Variants in GRID2 observed in about 807,000 individuals in gnomAD.
The protein encoded by GRID2 is glutamate receptor ionotropic, delta-2.
GRID2 carries 33 observed loss-of-function variants against 114.8 expected under a neutral mutation model. The ratio of observed to expected loss-of-function variants is 0.29; its 90% CI spans 0.22 to 0.38. The LOEUF (loss-of-function observed/expected upper bound fraction) is 0.38, where lower values mean the gene tolerates loss of function less well. Among genes scored for constraint, GRID2 ranks in the 10% least tolerant of loss-of-function variants. The pLI, the probability that GRID2 is intolerant of heterozygous loss-of-function variation, is 1.00. For synonymous variants in GRID2, 505 were observed against 449.9 expected (o/e 1.12, Z -1.55); for missense variants, 1,184 against 1,257.7 (o/e 0.94, Z 0.89).
intron 12 of GRID2, among the ~76,000 whole-genome samples, chr4:93,512,803 ACT>A (rs1436312533): frequency 6.6e-6 from 1 of 151,962 alleles, no homozygotes; most frequent in South Asian, 2.1e-4. Flanking sequence ...CTGTATTAAA[ACT>A]CTATATTTTC....
intron 2 of GRID2, among the ~76,000 whole-genome samples, chr4:92,736,550 G>T (rs928509821): frequency 1.3e-5 from 2 of 151,890 alleles, no homozygotes; most frequent in African/African-American, 2.4e-5. Flanking sequence ...TTAACCTATC[G>T]AATGTCCTAA....
At chr4:93,633,433 C>T (rs1346752386) in intron 14 of GRID2, among the ~76,000 whole-genome samples, 2 of 152,028 alleles carry the variant, frequency 1.3e-5, no homozygotes, top group East Asian at 1.9e-4. Context: ...TTGGAAAGCT[C>T]CTGAGCTCCT....
intron 1 of GRID2, among the ~76,000 whole-genome samples, chr4:92,380,765 A>G (rs937725110): frequency 3.3e-5 from 5 of 152,058 alleles, no homozygotes; most frequent in African/African-American, 9.7e-5. Flanking sequence ...TCTTCAGGGT[A>G]CAATTTTGCT....
intron 2 of GRID2, among the ~76,000 whole-genome samples, chr4:93,010,494 C>T (rs2149230321): frequency 6.6e-6 from 1 of 152,116 alleles, no homozygotes; most frequent in South Asian, 2.1e-4. Flanking sequence ...GGAGCTGAGC[C>T]TCCATGTTCT....
intron 1 of GRID2, among the ~76,000 whole-genome samples, chr4:93,799,746 TA>T (rs557149281): frequency 1.7e-4 from 26 of 152,318 alleles, no homozygotes; most frequent in African/African-American, 5.8e-4. Context: ...TTTATGTAAT[TA>T]AAAGTTTAAT....
chr4:93,471,901 T>C (rs1724868317), intron 11 of GRID2, among the ~76,000 whole-genome samples: 1 of 149,508 alleles, frequency 6.7e-6, no homozygotes, highest in East Asian at 2.0e-4. Flanking sequence ...GGTTTCCCCA[T>C]GTTGGTCAGG....
intron 10 of GRID2, among the ~76,000 whole-genome samples, chr4:93,428,414 A>G (rs1769062593): frequency 6.6e-6 from 1 of 152,148 alleles, no homozygotes; most frequent in Non-Finnish European, 1.5e-5. Flanking sequence ...CTGCATTTGT[A>G]GTAAAACTTC....
intron 9 of GRID2, among the ~76,000 whole-genome samples, chr4:93,402,384 G>T (rs905637076): frequency 6.6e-6 from 1 of 152,108 alleles, no homozygotes; most frequent in Non-Finnish European, 1.5e-5. Context: ...TTAACTGGAT[G>T]AAACTATGTG....
chr4:93,037,936 CATATGAAACCAAATTTA>C (rs1725078952), intron 2 of GRID2, among the ~76,000 whole-genome samples: 1 of 152,054 alleles, frequency 6.6e-6, no homozygotes, highest in Non-Finnish European at 1.5e-5. Context: ...TTTTTGGTTC[CATATGAAACCAAATTTA>C]AAGTATGAAA....
intron 2 of GRID2, among the ~76,000 whole-genome samples, chr4:92,763,655 A>AT (rs1428990757): frequency 6.6e-6 from 1 of 152,080 alleles, no homozygotes; most frequent in African/African-American, 2.4e-5. Flanking sequence ...GTGGAGCGTA[A>AT]TTTTTTGTAG....
At chr4:93,032,459 G>C (rs912931220) in intron 2 of GRID2, among the ~76,000 whole-genome samples, 6 of 151,998 alleles carry the variant, frequency 3.9e-5, no homozygotes. Context: ...TTGAATTTTT[G>C]CAGAGCAACC....
At chr4:92,864,205 A>G (rs1457755927) in intron 2 of GRID2, among the ~76,000 whole-genome samples, 1 of 152,196 alleles carries the variant, frequency 6.6e-6, no homozygotes, top group Non-Finnish European at 1.5e-5. Context: ...CACATTGAAG[A>G]CTGTCCTTTT....
intron 8 of GRID2, among the ~76,000 whole-genome samples, chr4:93,253,191 G>A (rs1367071278): frequency 6.6e-6 from 1 of 151,988 alleles, no homozygotes; most frequent in Non-Finnish European, 1.5e-5. Context: ...GGGAGGTGGA[G>A]CTTGCAGTGA....
At chr4:92,808,097 T>A (rs1410107441) in intron 2 of GRID2, among the ~76,000 whole-genome samples, 1 of 151,920 alleles carries the variant, frequency 6.6e-6, no homozygotes, top group Non-Finnish European at 1.5e-5. Context: ...GGAGAGAGAT[T>A]TTTTGGTGCT....
At chr4:93,361,467 G>GATGATT (rs1553916783) in intron 8 of GRID2, among the ~76,000 whole-genome samples, 186 of 147,630 alleles carry the variant, frequency 1.3e-3, no homozygotes, top group African/African-American at 4.3e-3. Context: ...ATGTTACTGT[G>GATGATT]ATTATTATTA....
chr4:92,485,997 C>T (rs1213670663), intron 1 of GRID2, among the ~76,000 whole-genome samples: 1 of 151,030 alleles, frequency 6.6e-6, no homozygotes, highest in Non-Finnish European at 1.5e-5. Context: ...TTGTGAAATC[C>T]ACCAAGAAAA....
intron 1 of GRID2, among the ~76,000 whole-genome samples, chr4:92,457,853 T>C (rs1721293288): frequency 6.6e-6 from 1 of 152,206 alleles, no homozygotes; most frequent in Non-Finnish European, 1.5e-5. Flanking sequence ...TGTGTAGCAC[T>C]CTTGCACCTT....
chr4:92,392,776 A>G (rs1730309100), intron 1 of GRID2, among the ~76,000 whole-genome samples: 1 of 152,036 alleles, frequency 6.6e-6, no homozygotes, highest in African/African-American at 2.4e-5. Context: ...TAAAGACTAT[A>G]CTTTTTGAAC....
chr4:93,736,550 A>T (rs1193690710), intron 14 of GRID2, among the ~76,000 whole-genome samples: 1 of 152,084 alleles, frequency 6.6e-6, no homozygotes, highest in Non-Finnish European at 1.5e-5. Context: ...AAGCCTGCTT[A>T]CATTGTCAGG....
Sources: gnomAD v4.1 joint callset for allele counts (sites outside exome capture counted in the v4.1 genomes callset) on GRCh38, gnomAD v4.1.1 for gene constraint, MANE v1.5 for transcripts, NCBI Gene and HGNC (gene_info 2026-07-23, HGNC 2026-07-21) for gene names.